Variants in KIAA1217 observed in about 807,000 individuals in gnomAD.
The protein encoded by KIAA1217 is sickle tail protein homolog.
In KIAA1217, 88 loss-of-function variants were observed where a neutral mutation model predicts 163.9. The ratio of observed to expected loss-of-function variants is 0.54; its 90% CI spans 0.45 to 0.64. KIAA1217 has a LOEUF of 0.64. Ranked by LOEUF, KIAA1217 falls within the 30% of genes least tolerant of loss-of-function variation. The pLI is 0.00. For missense variants in KIAA1217, 2,372 were observed against 2,475.0 expected, an observed-to-expected ratio of 0.96 and a Z score of 0.88; for synonymous variants, 903 against 923.1, an observed-to-expected ratio of 0.98 and a Z score of 0.39.
chr10:24,181,771 C>T lies in KIAA1217; in HGVS notation c.-170-37855C>T, dbSNP rs59068804. Reference sequence around the variant, plus strand: ...TTAGATGGAATTTAGTCATTAATTCCTTTTTGGGTGAGAGAAAGGGAAGTG... The same window carrying T: ...TTAGATGGAATTTAGTCATTAATTCTTTTTTGGGTGAGAGAAAGGGAAGTG... On this transcript the variant is annotated intron_variant, in intron 2 of 18. Transcript: ENST00000376462. Among the ~76,000 whole-genome samples, 10 of 152,130 alleles carry T rather than the reference C, an allele frequency of 6.6e-5. No individual in the cohort carries two copies. The East Asian group carries it at 1.9e-3, about 29-fold the overall frequency.
At chr10:24,285,956 C>A (rs1024634468) in intron 2 of KIAA1217, among the ~76,000 whole-genome samples, 3 of 151,606 alleles carry the variant, frequency 2.0e-5, no homozygotes, top group African/African-American at 7.3e-5. Flanking sequence ...ATTTTATTAT[C>A]GTGTGTGTGT....
At chr10:24,527,676 T>C (rs117550755) in intron 13 of KIAA1217, among the ~76,000 whole-genome samples, 1,717 of 151,984 alleles carry the variant, frequency 0.011, 8 homozygotes, top group Non-Finnish European at 0.019. Flanking sequence ...AAAAAATACA[T>C]CTTGGTAGTA....
chr10:24,219,595 T>C lies in KIAA1217; in HGVS notation c.71-31T>C, dbSNP rs778496293. 8.4e-6 allele frequency: 13 copies of C among 1,538,916 alleles called. No homozygotes were observed. The South Asian group carries it at 1.7e-4, about 20-fold the overall frequency. ...AATGAGACTTCTAGTGTGAAATCAT[T>C]AATTGTGAACCGAATTTTTTTGTCT... On this transcript the variant is annotated intron_variant, in intron 1 of 20. Coordinates refer to ENST00000376454, the MANE Select transcript of KIAA1217 (RefSeq NM_019590.5).
intron 20 of KIAA1217, chr10:24,545,523 C>T (rs961245799): frequency 5.3e-6 from 7 of 1,310,538 alleles, no homozygotes; most frequent in Non-Finnish European, 3.9e-6. Flanking sequence ...GCCCGACCCC[C>T]ACCCCAGTAA....
chr10:24,317,049 T>C (rs905078377), intron 2 of KIAA1217, among the ~76,000 whole-genome samples: 1 of 152,106 alleles, frequency 6.6e-6, no homozygotes, highest in Non-Finnish European at 1.5e-5. Flanking sequence ...AAGGCTAGAA[T>C]TATAAATTAT....
At chr10:24,478,343 C>T (rs59657515) in intron 6 of KIAA1217, among the ~76,000 whole-genome samples, 1,944 of 152,336 alleles carry the variant, frequency 0.013, 38 homozygotes, top group African/African-American at 0.044. Flanking sequence ...TATTTAGTCA[C>T]ATACCTTGTG....
intron 2 of KIAA1217, among the ~76,000 whole-genome samples, chr10:24,047,641 A>C (rs1378478372): frequency 6.6e-6 from 1 of 152,216 alleles, no homozygotes; most frequent in African/African-American, 2.4e-5. Context: ...GTTGATTGCT[A>C]CCTTGCCTTA....
chr10:24,212,473 A>T (rs945627919), intron 1 of KIAA1217, among the ~76,000 whole-genome samples: 2 of 152,216 alleles, frequency 1.3e-5, no homozygotes, highest in African/African-American at 4.8e-5. Flanking sequence ...TGTGCAGAAG[A>T]AAAAGTCCAA....
At chr10:24,383,566 G>A (rs2053606814) in intron 3 of KIAA1217, among the ~76,000 whole-genome samples, 1 of 152,198 alleles carries the variant, frequency 6.6e-6, no homozygotes, top group South Asian at 2.1e-4. Flanking sequence ...GTAGAGTGCC[G>A]GTGTGCTGTC....
intron 1 of KIAA1217, among the ~76,000 whole-genome samples, chr10:23,814,026 T>A (rs191577936): frequency 3.5e-4 from 54 of 152,264 alleles, no homozygotes; most frequent in African/African-American, 1.2e-3. Context: ...CAGTAGTATA[T>A]CCATGACTTT....
chr10:24,532,332 G>A (rs971167922), intron 15 of KIAA1217, among the ~76,000 whole-genome samples: 21 of 152,334 alleles, frequency 1.4e-4, no homozygotes, highest in African/African-American at 3.4e-4. Context: ...AGCTGACACC[G>A]TTGTGGGAGT....
chr10:23,767,434 TAAG>T (rs1248086806), intron 1 of KIAA1217, among the ~76,000 whole-genome samples: 1 of 151,954 alleles, frequency 6.6e-6, no homozygotes, highest in Non-Finnish European at 1.5e-5. Context: ...AAGAAAGAAA[TAAG>T]AAGGACATAT....
chr10:24,523,264 G>A (rs939256094), intron 12 of KIAA1217, among the ~76,000 whole-genome samples: 17 of 152,172 alleles, frequency 1.1e-4, no homozygotes, highest in African/African-American at 1.7e-4. Flanking sequence ...TGAGGCTGCA[G>A]TGGGCTAGGA....
intron 2 of KIAA1217, among the ~76,000 whole-genome samples, chr10:24,058,669 C>G (rs923411413): frequency 5.9e-5 from 9 of 151,976 alleles, no homozygotes; most frequent in African/African-American, 2.2e-4. Flanking sequence ...GATAAATTTT[C>G]TAATTTCCTT....
chr10:23,979,303 A>G (rs1004272248), intron 1 of KIAA1217, among the ~76,000 whole-genome samples: 1 of 152,310 alleles, frequency 6.6e-6, no homozygotes, highest in Non-Finnish European at 1.5e-5. Flanking sequence ...CACCCGCCCA[A>G]GTTGACATAG....
intron 1 of KIAA1217, among the ~76,000 whole-genome samples, chr10:23,751,292 T>G (rs1380324587): frequency 6.6e-6 from 1 of 152,142 alleles, no homozygotes; most frequent in Non-Finnish European, 1.5e-5. Context: ...CCTTCCAAAG[T>G]GCTGGGATTA....
chr10:24,388,164 G>A (rs2054288686), intron 3 of KIAA1217, among the ~76,000 whole-genome samples: 2 of 152,120 alleles, frequency 1.3e-5, no homozygotes, highest in Admixed American at 1.3e-4. Context: ...ATACTACAAG[G>A]CTACAGTAAC....
At chr10:23,728,615 G>T (rs1838299948) in intron 1 of KIAA1217, among the ~76,000 whole-genome samples, 1 of 151,898 alleles carries the variant, frequency 6.6e-6, no homozygotes, top group South Asian at 2.1e-4. Context: ...TAGGTTTCCT[G>T]TTCACTCCGA....
chr10:24,218,470 A>G (rs928044584), intron 1 of KIAA1217, among the ~76,000 whole-genome samples: 4 of 151,018 alleles, frequency 2.6e-5, no homozygotes, highest in South Asian at 2.1e-4. Flanking sequence ...CCTTTACTTT[A>G]TAACTCCTCG....
Sources: gnomAD v4.1 joint callset for allele counts (sites outside exome capture counted in the v4.1 genomes callset) on GRCh38, gnomAD v4.1.1 for gene constraint, MANE v1.5 for transcripts, NCBI Gene and HGNC (gene_info 2026-07-23, HGNC 2026-07-21) for gene names.